BPIFC: variants seen among roughly 807,000 people sequenced by gnomAD.
The protein encoded by BPIFC is BPI fold containing family C, also known as BPI fold-containing family C protein.
In BPIFC, 60 loss-of-function variants were observed where a neutral mutation model predicts 57.6. That is an observed-to-expected ratio of 1.04 (90% CI 0.85 to 1.29). The LOEUF is 1.29. Among genes scored for constraint, BPIFC ranks in the 50% most tolerant of loss-of-function variants. The pLI, the probability that BPIFC is intolerant of heterozygous loss-of-function variation, is 0.00. For synonymous variants in BPIFC, 243 were observed against 224.5 expected (o/e 1.08, Z -0.74); for missense variants, 581 against 600.5 (o/e 0.97, Z 0.34).
Position 32,414,396 on chromosome 22 carries a change from C to T in BPIFC, c.1431G>A (p.Lys477=). The T allele has an allele frequency of 6.2e-7, 1 of 1,613,952 alleles. No homozygotes were observed. Among genetic ancestry groups the T allele is most frequent in the African/African-American group, 1.3e-5 (1 of 75,010 alleles). Residue 477 remains lysine (K), a synonymous_variant, in exon 17 of 17, where the codon AAG becomes AAA. Transcript: ENST00000300399. The stretch of plus-strand genomic sequence containing the variant: ...GCTGCTGCTTTGAGGATGTTTCATA[C>T]TTCAGGTCGGTGGAAATCAAAAGGA... The part of the protein sequence containing the change: ...EGFLLISTDL[K]YETSSKQQPS...
chr22:32,417,048 G>A (rs746412189), intron 15 of BPIFC, 37 bp downstream of exon 15: 6 of 1,495,700 alleles, frequency 4.0e-6, no homozygotes, highest in South Asian at 3.4e-5. Context: ...AATGTTAGCC[G>A]ATGTTACAGT....
rs201426638 is a variant in BPIFC, at chr22:32,424,644, C to T, written c.1218-5240G>A. Among the ~76,000 whole-genome samples, 56 of 27,616 alleles carry T rather than the reference C, an allele frequency of 2.0e-3. 5 individuals carry two copies. The highest frequency in any genetic ancestry group is 0.014 in the Middle Eastern group (1 of 72). The allele number at this position is 27,616 out of a possible 152,430, so 18.1% of individuals were successfully genotyped here. ...CTCCTCCTCCTCTTCTTCTTCTTCT[C>T]TTCTTCTTCTTCTTCTTCTTCTTCT... On this transcript the variant is annotated intron_variant, in intron 13 of 16. Coordinates refer to ENST00000300399, the MANE Select transcript of BPIFC (RefSeq NM_174932.3).
rs1172269727 is a variant in BPIFC, at chr22:32,435,834, G to A, written c.794C>T (p.Pro265Leu). The A allele has an allele frequency of 2.5e-6, 4 of 1,614,024 alleles. No homozygotes were observed. The highest frequency in any genetic ancestry group is 3.4e-6 in the Non-Finnish European group (4 of 1,180,042). The change falls in exon 10 of 17, where the codon CCA (proline) becomes CTA (leucine). Residue 265 changes from proline (P) to leucine (L), a missense_variant. Coordinates refer to ENST00000300399, the MANE Select transcript of BPIFC (RefSeq NM_174932.3). ...LENLTDPPFS[P>L]VPFVLPERSN... The stretch of plus-strand genomic sequence containing the variant: ...GCGTTCTGGGAGCACAAAAGGAACT[G>A]GTGAGAAGGGGGGGTCGGTGAGGTT...
intron 11 of BPIFC, among the ~76,000 whole-genome samples, chr22:32,433,200 C>T (rs1034280929): frequency 6.6e-6 from 1 of 152,194 alleles, no homozygotes. Context: ...GAGACCCTGT[C>T]TCAAAAAACA....
chr22:32,439,094 G>C (rs1569452190), intron 8 of BPIFC, among the ~76,000 whole-genome samples: 1 of 152,140 alleles, frequency 6.6e-6, no homozygotes, highest in Non-Finnish European at 1.5e-5. Context: ...GGGAGGCTGA[G>C]GTGGGCGGAT....
intron 16 of BPIFC, among the ~76,000 whole-genome samples, chr22:32,415,471 G>GGTGT (rs1265196132): frequency 6.6e-6 from 1 of 152,192 alleles, no homozygotes; most frequent in East Asian, 1.9e-4. Flanking sequence ...TGAACTCAAA[G>GGTGT]GTGTGTGCCT....
At chr22:32,440,724 G>A (rs1934542456) in intron 8 of BPIFC, among the ~76,000 whole-genome samples, 1 of 152,046 alleles carries the variant, frequency 6.6e-6, no homozygotes, top group South Asian at 2.1e-4. Context: ...CTCTTCTCCT[G>A]ACCTACATTT....
Position 32,416,777 on chromosome 22 carries a change from G to A in BPIFC, c.1324+308C>T, listed in dbSNP as rs558381481. On this transcript the variant is annotated intron_variant, in intron 15 of 16. Coordinates refer to ENST00000300399, the MANE Select transcript of BPIFC (RefSeq NM_174932.3). ...AGGGAAAATAATCTCGTTTCCGGTTGACTGGAAGGAGATTCTTTACTGCCT... is the reference window on the plus strand; with the variant it reads ...AGGGAAAATAATCTCGTTTCCGGTTAACTGGAAGGAGATTCTTTACTGCCT... 5.9e-5 allele frequency among the ~76,000 whole-genome samples: 9 copies of A among 152,280 alleles called. No homozygotes were observed. The South Asian group carries it at 1.9e-3, about 32-fold the overall frequency.
chr22:32,439,604 T>C (rs1934508964), intron 8 of BPIFC, among the ~76,000 whole-genome samples: 1 of 134,142 alleles, frequency 7.5e-6, no homozygotes, highest in African/African-American at 3.0e-5. Flanking sequence ...CACCATAGTT[T>C]TTATTTTTTA....
chr22:32,442,020 C>T (rs780795044), intron 8 of BPIFC, among the ~76,000 whole-genome samples: 20 of 152,210 alleles, frequency 1.3e-4, no homozygotes, highest in Non-Finnish European at 2.1e-4. Flanking sequence ...AATGCTCAGT[C>T]GCCTGCCCAC....
intron 10 of BPIFC, among the ~76,000 whole-genome samples, chr22:32,435,099 T>C (rs1229067041): frequency 6.6e-6 from 1 of 152,190 alleles, no homozygotes; most frequent in African/African-American, 2.4e-5. Flanking sequence ...ATATAAACTC[T>C]ATGAGTAAGG....
At chr22:32,419,316 C>T (rs773069555) in intron 14 of BPIFC, 46 bp downstream of exon 14, 7 of 1,566,242 alleles carry the variant, frequency 4.5e-6, no homozygotes, top group Non-Finnish European at 5.2e-6. Context: ...GTAGGAGAAT[C>T]CTCGTTCTTC....
At chr22:32,461,298 G>C (rs760657) in intron 2 of BPIFC, among the ~76,000 whole-genome samples, 1 of 152,084 alleles carries the variant, frequency 6.6e-6, no homozygotes, top group Non-Finnish European at 1.5e-5. Flanking sequence ...AAGTTACAGA[G>C]GGAAACTGGG....
At chr22:32,427,710 G>T (rs1393830684) in intron 13 of BPIFC, among the ~76,000 whole-genome samples, 1 of 151,972 alleles carries the variant, frequency 6.6e-6, no homozygotes, top group Non-Finnish European at 1.5e-5. Flanking sequence ...CTCTGTATTA[G>T]AACTGCCAAA....
In BPIFC at chr22:32,464,364, T is replaced by C. The variant is rs1208367917; in HGVS notation, c.-89+10A>G. ...CTGGCAGAGACCTGAAGTTTGTTCA[T>C]GAGTCTTACCTCAAGCAGAGGAAGT... On this transcript the variant is annotated intron_variant, in intron 1 of 16. Coordinates refer to ENST00000300399, the MANE Select transcript of BPIFC (RefSeq NM_174932.3). The C allele has an allele frequency of 6.1e-6, 6 of 984,910 alleles. No individual in the cohort carries two copies. Among genetic ancestry groups the C allele is most frequent in the Non-Finnish European group, 7.2e-6 (6 of 829,668 alleles). The allele number at this position is 984,910 out of a possible 1,614,324, so 61.0% of individuals were successfully genotyped here.
intron 13 of BPIFC, 87 bp from the exon 14 acceptor site, chr22:32,419,491 C>G (rs1933773882): frequency 7.8e-7 from 1 of 1,287,416 alleles, no homozygotes; most frequent in Non-Finnish European, 1.1e-6. Context: ...ATTTTCAGTT[C>G]AAAAGTCACT....
At chr22:32,462,187 A>AG (rs1935178890) in intron 1 of BPIFC, among the ~76,000 whole-genome samples, 1 of 144,760 alleles carries the variant, frequency 6.9e-6, no homozygotes, top group Non-Finnish European at 1.5e-5. Flanking sequence ...AAAAAAAAAA[A>AG]AAAGAAAAAA....
chr22:32,452,640 A>G (rs1207946151), intron 4 of BPIFC, among the ~76,000 whole-genome samples: 2 of 35,824 alleles, frequency 5.6e-5, no homozygotes, highest in African/African-American at 3.6e-4. Flanking sequence ...TCCGTCTCAA[A>G]AAAAAAAAAA....
chr22:32,458,140 G>T (rs1046880633), intron 2 of BPIFC, among the ~76,000 whole-genome samples: 1 of 152,072 alleles, frequency 6.6e-6, no homozygotes, highest in African/African-American at 2.4e-5. Context: ...TCAGCTACAA[G>T]GTGTAGAGGG....
Sources: allele counts gnomAD v4.1 joint callset (sites outside exome capture counted in the v4.1 genomes callset), GRCh38; gene constraint gnomAD v4.1.1; transcripts MANE v1.5; gene names NCBI Gene and HGNC (gene_info 2026-07-23, HGNC 2026-07-21).